Variants in GRK5 observed in about 807,000 individuals in gnomAD.
GRK5 encodes G protein-coupled receptor kinase 5, also known as g protein-coupled receptor kinase GRK5.
A neutral mutation model predicts 78.4 loss-of-function variants in GRK5; 40 were observed. The ratio of observed to expected loss-of-function variants is 0.51; its 90% CI spans 0.40 to 0.66. The LOEUF (loss-of-function observed/expected upper bound fraction) is 0.66, where lower values mean the gene tolerates loss of function less well. Ranked by LOEUF, GRK5 falls within the 30% of genes least tolerant of loss-of-function variation. GRK5 has a pLI of 0.00. For missense variants in GRK5, 598 were observed against 759.9 expected (o/e 0.79, Z 2.50); for synonymous variants, 289 against 296.8 (o/e 0.97, Z 0.27).
chr10:119,404,828 C>T (rs1852206827), intron 4 of GRK5, among the ~76,000 whole-genome samples: 1 of 152,208 alleles, frequency 6.6e-6, no homozygotes, highest in South Asian at 2.1e-4. Flanking sequence ...ACTGCACGGG[C>T]CTCTTACAGA....
chr10:119,422,601 C>T (rs11198917), intron 4 of GRK5, among the ~76,000 whole-genome samples: 36,213 of 152,088 alleles, frequency 0.24, 4,484 homozygotes, highest in East Asian at 0.4. Context: ...CCTTCCTGTC[C>T]ACCTTGGCCT....
chr10:119,224,448 G>A (rs961974880), intron 1 of GRK5, among the ~76,000 whole-genome samples: 4 of 151,382 alleles, frequency 2.6e-5, no homozygotes, highest in Non-Finnish European at 4.4e-5. Context: ...TTGCTCTGTC[G>A]CCCAGGCTGG....
intron 3 of GRK5, among the ~76,000 whole-genome samples, chr10:119,384,582 G>C (rs1295817199): frequency 6.6e-6 from 1 of 152,228 alleles, no homozygotes; most frequent in Non-Finnish European, 1.5e-5. Flanking sequence ...AGTGAACCTA[G>C]CCATTGAGGG....
At chr10:119,277,153 T>C (rs1196837635) in intron 1 of GRK5, among the ~76,000 whole-genome samples, 1 of 152,164 alleles carries the variant, frequency 6.6e-6, no homozygotes, top group Non-Finnish European at 1.5e-5. Context: ...GAAGGTTGGC[T>C]GATTGGGATT....
At chr10:119,367,185 C>T (rs1589767618) in intron 2 of GRK5, among the ~76,000 whole-genome samples, 1 of 152,188 alleles carries the variant, frequency 6.6e-6, no homozygotes, top group East Asian at 1.9e-4. Context: ...ACCAGCTCTA[C>T]CAAACTCTAA....
chr10:119,311,787 CA>C (rs532805848), intron 1 of GRK5, among the ~76,000 whole-genome samples: 2,946 of 136,254 alleles, frequency 0.022, 76 homozygotes, highest in African/African-American at 0.077. Flanking sequence ...AGACTGTCTC[CA>C]AAAAAAAAAA....
chr10:119,281,329 T>C (rs1589719660), intron 1 of GRK5, among the ~76,000 whole-genome samples: 1 of 152,030 alleles, frequency 6.6e-6, no homozygotes, highest in African/African-American at 2.4e-5. Context: ...AAAGCAGTTC[T>C]TGTGGGTCTG....
intron 2 of GRK5, among the ~76,000 whole-genome samples, chr10:119,361,783 A>C (rs1248079): frequency 0.11 from 16,418 of 152,136 alleles, 1,042 homozygotes; most frequent in Middle Eastern, 0.19. Flanking sequence ...CAACATGGCG[A>C]AACCCTGTCT....
chr10:119,366,914 C>G (rs756012514), intron 2 of GRK5, among the ~76,000 whole-genome samples: 3 of 152,200 alleles, frequency 2.0e-5, no homozygotes, highest in African/African-American at 7.2e-5. Flanking sequence ...CTGCCTCTTG[C>G]TAGCCTGTGA....
chr10:119,352,817 C>T (rs115072263), intron 2 of GRK5, among the ~76,000 whole-genome samples: 2,046 of 152,258 alleles, frequency 0.013, 37 homozygotes, highest in African/African-American at 0.041. Context: ...ACTTTCCACC[C>T]GAATCCTGGA....
intron 1 of GRK5, among the ~76,000 whole-genome samples, chr10:119,323,172 A>G (rs1455649908): frequency 6.6e-6 from 1 of 152,196 alleles, no homozygotes. Context: ...TTAATGTTTA[A>G]TGGGTTCAGA....
chr10:119,409,402 A>G (rs1258923815), intron 4 of GRK5, among the ~76,000 whole-genome samples: 9 of 152,152 alleles, frequency 5.9e-5, no homozygotes. Context: ...TCTCATGACC[A>G]TCCAGGTCAG....
At chr10:119,312,329 C>G (rs1366965556) in intron 1 of GRK5, among the ~76,000 whole-genome samples, 1 of 152,168 alleles carries the variant, frequency 6.6e-6, no homozygotes, top group African/African-American at 2.4e-5. Flanking sequence ...TGTGCAAAAG[C>G]TGCAAGGAGG....
intron 1 of GRK5, among the ~76,000 whole-genome samples, chr10:119,241,004 C>T (rs753091736): frequency 3.9e-5 from 6 of 152,192 alleles, no homozygotes; most frequent in Non-Finnish European, 5.9e-5. Context: ...AGGATTGTGC[C>T]GGGGGCTCTC....
intron 1 of GRK5, among the ~76,000 whole-genome samples, chr10:119,292,522 G>A (rs1223955707): frequency 2.0e-5 from 3 of 152,128 alleles, no homozygotes; most frequent in Non-Finnish European, 4.4e-5. Context: ...TCACCCTCAG[G>A]GCCTAAGTAC....
intron 1 of GRK5, among the ~76,000 whole-genome samples, chr10:119,274,879 A>G (rs1461980390): frequency 1.3e-5 from 2 of 152,086 alleles, no homozygotes; most frequent in African/African-American, 4.8e-5. Context: ...GTAAGTACCT[A>G]TTGTTATGAG....
chr10:119,430,492 C>A lies in GRK5; in HGVS notation c.597+54C>A. The stretch of plus-strand genomic sequence containing the variant: ...AAGTTCTTACATTCAAGTCACCTTT[C>A]CTGTCCCTTCTAAATCAACCTAAAG... On this transcript the variant is annotated intron_variant, in intron 7 of 15. Transcript: ENST00000392870. This position sits in a 1 kb window ranked among gnomAD's most constrained non-coding sequence, Gnocchi z 4.5. 6.5e-7 allele frequency: 1 copy of A among 1,526,766 alleles called. No individual in the cohort carries two copies. The highest frequency in any genetic ancestry group is 1.7e-5 in the Admixed American group (1 of 58,054). 94.6% of individuals were successfully genotyped at this position (1,526,766 alleles called of 1,614,324 possible). A position where few individuals can be genotyped will look rare whatever the true frequency, so the allele number is the denominator to read the frequency against.
intron 4 of GRK5, among the ~76,000 whole-genome samples, chr10:119,411,780 T>TAACA (rs974577764): frequency 6.7e-6 from 1 of 149,028 alleles, no homozygotes; most frequent in African/African-American, 2.4e-5. Flanking sequence ...CCGTCTCAAT[T>TAACA]AACAAACAAA....
intron 3 of GRK5, among the ~76,000 whole-genome samples, chr10:119,387,216 C>T (rs1851814375): frequency 6.6e-6 from 1 of 152,110 alleles, no homozygotes; most frequent in East Asian, 1.9e-4. Context: ...GTTGGCTGGT[C>T]TGGTCCTGAA....
Sources: gnomAD v4.1 joint callset for allele counts (sites outside exome capture counted in the v4.1 genomes callset) on GRCh38, gnomAD v4.1.1 for gene constraint, Gnocchi (gnomAD v3.1) non-coding constraint, MANE v1.5 for transcripts, NCBI Gene and HGNC (gene_info 2026-07-23, HGNC 2026-07-21) for gene names.